The following SNX18 variants were observed in gnomAD, a reference collection of about 807,000 sequenced individuals.
SNX18 encodes the protein sorting nexin-18.
SNX18 carries 35 observed loss-of-function variants against 48.7 expected under a neutral mutation model. That is an observed-to-expected ratio of 0.72 (90% CI 0.55 to 0.95). SNX18 has a LOEUF of 0.95. SNX18 is among the 40% of genes least tolerant of loss of function. SNX18 has a pLI of 0.00. For missense variants in SNX18, 824 were observed against 871.0 expected, an observed-to-expected ratio of 0.95 and a Z score of 0.68; for synonymous variants, 492 against 384.7, an observed-to-expected ratio of 1.28 and a Z score of -3.26.
At position 54,518,803 on chromosome 5, in the gene SNX18, C is replaced by T. The variant is rs1761942633; in HGVS notation, c.851C>T (p.Thr284Ile). Residue 284 changes from threonine (T) to isoleucine (I), a missense_variant, in exon 1 of 2, where the codon ACC becomes ATC. By Grantham distance (89) the Thr-to-Ile change is moderately conservative. Transcript: ENST00000381410. Reference protein sequence around the residue: ...YPFQCTIDDPTKQTKFKGMKS... With the variant: ...YPFQCTIDDPIKQTKFKGMKS... ...TTCCAGTGCACCATCGACGACCCCA[C>T]CAAGCAGACCAAGTTCAAGGGCATG... 1.2e-6 allele frequency: 2 copies of T among 1,604,282 alleles called. No individual in the cohort carries two copies. Among genetic ancestry groups the T allele is most frequent in the African/African-American group, 2.7e-5 (2 of 74,658 alleles).
intron 1 of SNX18, among the ~76,000 whole-genome samples, chr5:54,536,687 C>T (rs907024809): frequency 6.6e-6 from 1 of 152,186 alleles, no homozygotes; most frequent in Non-Finnish European, 1.5e-5. Context: ...CCGCAATAAA[C>T]ATACGTGTGT....
At chr5:54,618,109 A>T in the SNX18 span, among the ~76,000 whole-genome samples, 1 of 152,158 alleles carries the variant, frequency 6.6e-6, no homozygotes, top group Non-Finnish European at 1.5e-5. Flanking sequence ...GCCATTACCC[A>T]CATGCTGCTG....
the SNX18 span, among the ~76,000 whole-genome samples, chr5:54,622,618 A>C: frequency 6.7e-6 from 1 of 148,198 alleles, no homozygotes; most frequent in Non-Finnish European, 1.5e-5. Flanking sequence ...ATAAATATAT[A>C]TAAGTATATA....
downstream of SNX18, among the ~76,000 whole-genome samples, chr5:54,547,030 C>CT (rs1172551682): frequency 1.3e-5 from 2 of 152,226 alleles, no homozygotes; most frequent in Non-Finnish European, 2.9e-5. Flanking sequence ...AGCTTGCCCT[C>CT]TTTGTGGGGC....
chr5:54,614,433 T>G, the SNX18 span, among the ~76,000 whole-genome samples: 1 of 152,244 alleles, frequency 6.6e-6, no homozygotes, highest in Non-Finnish European at 1.5e-5. Context: ...ATTAGTAATC[T>G]GTAATTATAG....
At chr5:54,534,596 C>T (rs1405277450) in intron 1 of SNX18, among the ~76,000 whole-genome samples, 1 of 151,746 alleles carries the variant, frequency 6.6e-6, no homozygotes, top group Non-Finnish European at 1.5e-5. Flanking sequence ...CCCTGTCTCA[C>T]TTTGATGGGT....
At chr5:54,634,355 G>C in the SNX18 span, among the ~76,000 whole-genome samples, 3 of 152,164 alleles carry the variant, frequency 2.0e-5, no homozygotes, top group African/African-American at 7.2e-5. Flanking sequence ...ATTCAGGAAA[G>C]AGGGGCAGAG....
the SNX18 span, among the ~76,000 whole-genome samples, chr5:54,616,641 C>T: frequency 3.3e-5 from 5 of 151,970 alleles, no homozygotes; most frequent in East Asian, 1.9e-4. Flanking sequence ...AAGTGGCAGG[C>T]GCCTGTAATC....
intron 1 of SNX18, among the ~76,000 whole-genome samples, chr5:54,532,215 G>C (rs1049874537): frequency 5.9e-5 from 9 of 151,836 alleles, no homozygotes; most frequent in African/African-American, 1.9e-4. Context: ...TTTCATTAAA[G>C]GTACTTTCCC....
chr5:54,566,218 A>G, the SNX18 span, among the ~76,000 whole-genome samples: 1 of 152,212 alleles, frequency 6.6e-6, no homozygotes, highest in African/African-American at 2.4e-5. Context: ...GGTTAAGAGC[A>G]CAGACTTTGA....
intron 1 of SNX18, among the ~76,000 whole-genome samples, chr5:54,536,472 A>C (rs865832131): frequency 6.7e-6 from 1 of 150,054 alleles, no homozygotes; most frequent in Middle Eastern, 3.6e-3. Flanking sequence ...GAGTGAGAAC[A>C]CGCAGTGTTT....
At chr5:54,540,969 T>C (rs541591656) in intron 1 of SNX18, among the ~76,000 whole-genome samples, 1 of 152,334 alleles carries the variant, frequency 6.6e-6, no homozygotes, top group East Asian at 1.9e-4. Context: ...TCTCAGTCTT[T>C]CTGAATTTTT....
At chr5:54,621,453 T>A in the SNX18 span, among the ~76,000 whole-genome samples, 2 of 152,182 alleles carry the variant, frequency 1.3e-5, no homozygotes, top group South Asian at 4.1e-4. Context: ...AGAAATGTCA[T>A]TCTTAAGATT....
the SNX18 span, among the ~76,000 whole-genome samples, chr5:54,622,550 G>A: frequency 1.3e-5 from 2 of 149,578 alleles, no homozygotes; most frequent in Non-Finnish European, 3.0e-5. Flanking sequence ...ACCACTGTAG[G>A]GCTCTGCAAA....
the SNX18 span, among the ~76,000 whole-genome samples, chr5:54,560,511 A>C: frequency 6.6e-6 from 1 of 152,328 alleles, no homozygotes; most frequent in African/African-American, 2.4e-5. Flanking sequence ...ATCAGGAAAA[A>C]TAACTAATGG....
the SNX18 span, among the ~76,000 whole-genome samples, chr5:54,581,604 TG>T: frequency 1.8e-4 from 27 of 152,252 alleles, no homozygotes; most frequent in Non-Finnish European, 3.5e-4. Context: ...CTTCTTCCCT[TG>T]TTCTGGGCAC....
the SNX18 span, among the ~76,000 whole-genome samples, chr5:54,629,171 G>A: frequency 6.6e-6 from 1 of 152,158 alleles, no homozygotes; most frequent in Non-Finnish European, 1.5e-5. Context: ...CTTGAGACTT[G>A]CATCCTGGCT....
chr5:54,560,021 C>G, the SNX18 span, among the ~76,000 whole-genome samples: 1 of 152,086 alleles, frequency 6.6e-6, no homozygotes, highest in Non-Finnish European at 1.5e-5. Flanking sequence ...AATTTACACT[C>G]TCAGTGGGAA....
chr5:54,519,200 C>CGCTGCCCTTG lies in SNX18; in HGVS notation c.1249_1258dup (p.Asp420GlyfsTer4), dbSNP rs746143131. 1 of 1,613,996 alleles carries CGCTGCCCTTG rather than the reference C, an allele frequency of 6.2e-7. No homozygotes were observed. The highest frequency in any genetic ancestry group is 8.5e-7 in the Non-Finnish European group (1 of 1,179,950). On this transcript the variant is annotated frameshift_variant, in exon 1 of 2. Coordinates refer to ENST00000381410, the MANE Select transcript of SNX18 (RefSeq NM_001102575.2). LOFTEE classifies it high-confidence loss of function. Reference sequence around the variant, plus strand: ...TCCTGACCCTTAGCACGCCCCCCGCCGCTGCCCTTGACCTGCAGGAGGTGG... The same window carrying CGCTGCCCTTG: ...TCCTGACCCTTAGCACGCCCCCCGCCGCTGCCCTTGGCTGCCCTTGACCTGCAGGAGGTGG...
Sources: allele counts gnomAD v4.1 joint callset (sites outside exome capture counted in the v4.1 genomes callset), GRCh38; gene constraint gnomAD v4.1.1; transcripts MANE v1.5; gene names NCBI Gene and HGNC (gene_info 2026-07-23, HGNC 2026-07-21).